Variants in OFD1 observed in about 807,000 individuals in gnomAD.
OFD1 encodes the protein centriole and centriolar satellite protein OFD1.
Under a neutral mutation model 81.4 loss-of-function variants are expected in OFD1, and 12 were observed. The observed-to-expected ratio is 0.15, with a 90% CI of 0.09 to 0.24. OFD1 has a LOEUF of 0.24. OFD1 is among the 10% of genes least tolerant of loss of function. OFD1 has a pLI of 1.00. For missense variants in OFD1, 685 were observed against 733.9 expected (o/e 0.93, Z 0.77); for synonymous variants, 256 against 263.7 (o/e 0.97, Z 0.28).
chrX:13,742,193 AT>A (rs1169003002), intron 5 of OFD1, among the ~76,000 whole-genome samples: 4 of 109,718 alleles, frequency 3.6e-5, no homozygotes, highest in South Asian at 3.8e-4. Context: ...TAGTCAATTG[AT>A]TTTTTTTTTA....
Position 13,749,540 on chromosome X carries a change from A to C in OFD1, c.935+7A>C, listed in dbSNP as rs1205293174. ...GAGTTGAAGCTTTTGAATTGTAAGT[A>C]ATGCATGTTCATTTTGGATATTCAG... is the stretch of plus-strand genomic sequence containing the variant. On this transcript the variant is annotated splice_region_variant and intron_variant, in intron 9 of 22. Transcript: ENST00000340096. 9.7e-7 allele frequency: 1 copy of C among 1,028,119 alleles called. No homozygotes were observed. Among genetic ancestry groups the C allele is most frequent in the African/African-American group, 1.8e-5 (1 of 54,470 alleles). 84.7% of individuals were successfully genotyped at this position (1,028,119 alleles called of 1,213,427 possible). A position where few individuals can be genotyped will look rare whatever the true frequency, so the allele number is the denominator to read the frequency against.
At chrX:13,740,833 T>C (rs1343028988) in intron 5 of OFD1, among the ~76,000 whole-genome samples, 1 of 107,831 alleles carries the variant, frequency 9.3e-6, no homozygotes, top group African/African-American at 3.4e-5. Flanking sequence ...ATAGATACAT[T>C]ATCCTTAAAA....
At position 13,769,130 on chromosome X, in the gene OFD1, T is replaced by C. The variant is rs1248259141; in HGVS notation, c.*22T>C. Reference sequence around the variant, plus strand: ...GTAACCATGTTTGCTGCCCAGCTTCTAACTTACATACCGTGAGAAGTTACG... The same window carrying C: ...GTAACCATGTTTGCTGCCCAGCTTCCAACTTACATACCGTGAGAAGTTACG... On this transcript the variant is annotated 3_prime_UTR_variant, in exon 23 of 23. Coordinates refer to ENST00000340096, the MANE Select transcript of OFD1 (RefSeq NM_003611.3). The C allele has an allele frequency of 2.6e-6, 3 of 1,132,396 alleles. No homozygotes were observed. Among genetic ancestry groups the C allele is most frequent in the Non-Finnish European group, 3.6e-6 (3 of 824,210 alleles). 93.3% of individuals were successfully genotyped at this position (1,132,396 alleles called of 1,213,427 possible).
the OFD1 span, among the ~76,000 whole-genome samples, chrX:13,724,799 C>T: frequency 2.7e-5 from 3 of 112,557 alleles, no homozygotes; most frequent in Admixed American, 9.3e-5. Flanking sequence ...GGCAGGGCGT[C>T]GCCTCACCCA....
intron 9 of OFD1, among the ~76,000 whole-genome samples, chrX:13,750,667 G>A (rs2047469319): frequency 8.9e-6 from 1 of 112,055 alleles, no homozygotes; most frequent in South Asian, 3.7e-4. Flanking sequence ...TTAAGACACA[G>A]TGTCTCTCTG....
At position 13,758,262 on chromosome X, in the gene OFD1, A is replaced by C. The variant is rs920805448; in HGVS notation, c.1543-75A>C. The C allele has an allele frequency of 3.2e-5, 23 of 714,484 alleles. No homozygotes were observed. The African/African-American group carries it at 4.9e-4, about 15-fold the overall frequency. 58.9% of individuals were successfully genotyped at this position (714,484 alleles called of 1,213,427 possible). A position where few individuals can be genotyped will look rare whatever the true frequency, so the allele number is the denominator to read the frequency against. On this transcript the variant is annotated intron_variant, in intron 14 of 22. Coordinates refer to ENST00000340096, the MANE Select transcript of OFD1 (RefSeq NM_003611.3). ...AGAACAAAAAGAGTACAAACATGAT[A>C]AGAGAACTTTTCCTTTTGAAGCAAG...
upstream of OFD1, among the ~76,000 whole-genome samples, chrX:13,733,177 A>G (rs143695289): frequency 4.5e-5 from 5 of 110,631 alleles, no homozygotes; most frequent in Middle Eastern, 4.7e-3. Flanking sequence ...AAGTGATTCT[A>G]CTTAACAACA....
chrX:13,716,463 TATGTTCC>T, the OFD1 span: 1 of 1,147,114 alleles, frequency 8.7e-7, no homozygotes, highest in Non-Finnish European at 1.2e-6. Context: ...GCCTGGCATC[TATGTTCC>T]ATGTTCTTCT....
chrX:13,741,346 A>T (rs1165671569), intron 5 of OFD1, among the ~76,000 whole-genome samples: 1 of 111,463 alleles, frequency 9.0e-6, no homozygotes, highest in Non-Finnish European at 1.9e-5. Context: ...GTAAGATAAA[A>T]TTTTTTTAAA....
chrX:13,756,695 C>T lies in OFD1; in HGVS notation c.1339C>T (p.Leu447Phe). The T allele has an allele frequency of 8.3e-7, 1 of 1,206,798 alleles. No individual in the cohort carries two copies. The stretch of plus-strand genomic sequence containing the variant: ...ACTACTAAAAGAAGAGAAACTGGAG[C>T]TTCTGGCACAAAATAAATTACTTAA... ...YSLLKEEKLE[L>F]LAQNKLLKQQ... Residue 447 changes from leucine (L) to phenylalanine (F), a missense_variant, in exon 13 of 23, where the codon CTT becomes TTT. By Grantham distance (22) the Leu-to-Phe change is conservative. Around this residue, in one of 3 missense-constraint regions of OFD1, gnomAD observed 414 missense variants for 447.2 expected, o/e 0.93. Transcript: ENST00000340096.
At chrX:13,737,507 A>G (rs1266390678) in intron 3 of OFD1, among the ~76,000 whole-genome samples, 1 of 109,682 alleles carries the variant, frequency 9.1e-6, no homozygotes, top group East Asian at 2.9e-4. Flanking sequence ...CACTGTCAAC[A>G]TCTTGCATCA....
chrX:13,735,486 TA>T (rs1245154233), intron 2 of OFD1, 140 bp downstream of exon 2: 1 of 523,377 alleles, frequency 1.9e-6, no homozygotes, highest in African/African-American at 2.3e-5. Context: ...TATTCCCGAA[TA>T]ACTCTGTATC....
chrX:13,719,746 C>T, the OFD1 span: 8 of 512,747 alleles, frequency 1.6e-5, no homozygotes, highest in African/African-American at 2.4e-5. Context: ...TTCTATCAGT[C>T]TGTGGGCTCC....
chrX:13,716,660 T>A, the OFD1 span: 1 of 1,211,852 alleles, frequency 8.3e-7, no homozygotes, highest in Non-Finnish European at 1.1e-6. Context: ...ATGAACTGGT[T>A]CAGATGACGA....
At chrX:13,736,301 G>C (rs1602767241) in intron 2 of OFD1, 177 bp from the exon 3 acceptor site, 1 of 1,068,582 alleles carries the variant, frequency 9.4e-7, no homozygotes, top group Non-Finnish European at 1.2e-6. Flanking sequence ...CACGGGGTAA[G>C]ACAAAGTGTG....
At chrX:13,719,591 G>T in the OFD1 span, among the ~76,000 whole-genome samples, 1 of 112,083 alleles carries the variant, frequency 8.9e-6, no homozygotes, top group Admixed American at 9.5e-5. Flanking sequence ...CACTACAGGT[G>T]AACTATGTCT....
intron 5 of OFD1, chrX:13,740,016 A>G: frequency 1.1e-6 from 1 of 925,782 alleles, no homozygotes; most frequent in Non-Finnish European, 1.4e-6. Flanking sequence ...CCCCACAAGG[A>G]CATTCATTTA....
At chrX:13,740,132 G>A (rs2047033264) in intron 5 of OFD1, 2 of 969,159 alleles carry the variant, frequency 2.1e-6, no homozygotes, top group Admixed American at 3.0e-5. Context: ...TGGTAGTAAT[G>A]TTAGCAGAAT....
Position 13,736,698 on chromosome X carries a change from G to T in OFD1, c.312+20G>T. The T allele has an allele frequency of 8.7e-7, 1 of 1,146,838 alleles. No homozygotes were observed. The highest frequency in any genetic ancestry group is 1.2e-6 in the Non-Finnish European group (1 of 837,250). The allele number at this position is 1,146,838 out of a possible 1,213,427, so 94.5% of individuals were successfully genotyped here. A position where few individuals can be genotyped will look rare whatever the true frequency, so the allele number is the denominator to read the frequency against. On this transcript the variant is annotated intron_variant, in intron 3 of 22. Coordinates refer to ENST00000340096, the MANE Select transcript of OFD1 (RefSeq NM_003611.3). ...GAAAAGGTAAAGTCTTTCCTTTTCT[G>T]TTTCTGAAGTTTTTATTAACAGGTT...
Sources: gnomAD v4.1 joint callset for allele counts (sites outside exome capture counted in the v4.1 genomes callset) on GRCh38, gnomAD v4.1.1 for gene constraint, gnomAD v4.1.1 regional missense constraint, MANE v1.5 for transcripts, NCBI Gene and HGNC (gene_info 2026-07-23, HGNC 2026-07-21) for gene names.